SYT9: variants seen among roughly 807,000 people sequenced by gnomAD.
The protein encoded by SYT9 is synaptotagmin-9.
In SYT9, 22 loss-of-function variants were observed where a neutral mutation model predicts 48.4. The ratio of observed to expected loss-of-function variants is 0.45; its 90% CI spans 0.32 to 0.65. SYT9 has a LOEUF of 0.65. Among genes scored for constraint, SYT9 ranks in the 30% least tolerant of loss-of-function variants. The probability of loss-of-function intolerance (pLI) is 0.03; values close to 1 mark genes in which losing one functional copy is unlikely to be tolerated. For missense variants in SYT9, 577 were observed against 622.0 expected (o/e 0.93, Z 0.77); for synonymous variants, 265 against 245.0 (o/e 1.08, Z -0.76).
intron 1 of SYT9, among the ~76,000 whole-genome samples, chr11:7,285,836 G>A (rs913757567): frequency 7.2e-5 from 11 of 152,150 alleles, no homozygotes; most frequent in African/African-American, 2.7e-4. Flanking sequence ...AATCCAACAG[G>A]GCTGTCATTA....
chr11:7,335,297 G>A (rs1418299682), intron 3 of SYT9, among the ~76,000 whole-genome samples: 1 of 151,962 alleles, frequency 6.6e-6, no homozygotes, highest in African/African-American at 2.4e-5. Context: ...AAAATCTTTG[G>A]TCAATTTTTA....
chr11:7,392,730 C>A (rs1222973065), intron 3 of SYT9, among the ~76,000 whole-genome samples: 1 of 152,130 alleles, frequency 6.6e-6, no homozygotes, highest in African/African-American at 2.4e-5. Context: ...TTCCTCCAAT[C>A]CATGAGCATG....
At chr11:7,352,413 A>C (rs1021538320) in intron 3 of SYT9, among the ~76,000 whole-genome samples, 2 of 152,344 alleles carry the variant, frequency 1.3e-5, no homozygotes, top group African/African-American at 4.8e-5. Context: ...AAAGTTGTGC[A>C]GCAGATATTC....
intron 1 of SYT9, among the ~76,000 whole-genome samples, chr11:7,264,841 G>C (rs919789654): frequency 6.6e-6 from 1 of 152,106 alleles, no homozygotes; most frequent in Non-Finnish European, 1.5e-5. Context: ...GTTTTGGAGA[G>C]AGTGACAGTA....
At chr11:7,258,069 C>T (rs1848008149) in intron 1 of SYT9, among the ~76,000 whole-genome samples, 1 of 152,182 alleles carries the variant, frequency 6.6e-6, no homozygotes, top group Admixed American at 6.5e-5. Flanking sequence ...ATGTATAGAG[C>T]ATAGATGTTG....
chr11:7,258,803 C>G (rs1438362516), intron 1 of SYT9, among the ~76,000 whole-genome samples: 1 of 152,062 alleles, frequency 6.6e-6, no homozygotes, highest in African/African-American at 2.4e-5. Context: ...TTCCTTTCAG[C>G]CGTGGTCCAC....
chr11:7,281,435 C>T (rs1331274162), intron 1 of SYT9, among the ~76,000 whole-genome samples: 1 of 152,202 alleles, frequency 6.6e-6, no homozygotes, highest in Non-Finnish European at 1.5e-5. Flanking sequence ...TTTTTGATAC[C>T]TTGACACTTT....
chr11:7,253,986 A>C (rs556840462), intron 1 of SYT9, among the ~76,000 whole-genome samples: 1 of 152,214 alleles, frequency 6.6e-6, no homozygotes, highest in East Asian at 1.9e-4. Context: ...TTTACAAGAG[A>C]AGATGGATGA....
At chr11:7,349,626 C>T (rs1421884892) in intron 3 of SYT9, among the ~76,000 whole-genome samples, 2 of 152,206 alleles carry the variant, frequency 1.3e-5, no homozygotes, top group African/African-American at 4.8e-5. Flanking sequence ...ATCACCCTAC[C>T]AACGTCTGTC....
chr11:7,406,553 TA>T (rs1847017556), intron 3 of SYT9, among the ~76,000 whole-genome samples: 1 of 148,956 alleles, frequency 6.7e-6, no homozygotes, highest in Non-Finnish European at 1.5e-5. Flanking sequence ...TATATATATA[TA>T]TATATATATA....
intron 3 of SYT9, among the ~76,000 whole-genome samples, chr11:7,354,804 G>T (rs1398312458): frequency 3.9e-5 from 6 of 152,022 alleles, no homozygotes; most frequent in South Asian, 2.1e-4. Flanking sequence ...AAATATATCT[G>T]TCATCTAACT....
intron 1 of SYT9, among the ~76,000 whole-genome samples, chr11:7,258,119 C>G (rs902204210): frequency 1.3e-5 from 2 of 152,164 alleles, no homozygotes; most frequent in African/African-American, 4.8e-5. Context: ...TATGTTTGTG[C>G]TGCAAGTGCA....
At chr11:7,246,651 T>A (rs932948535) in intron 1 of SYT9, among the ~76,000 whole-genome samples, 3 of 152,220 alleles carry the variant, frequency 2.0e-5, no homozygotes, top group African/African-American at 7.2e-5. Flanking sequence ...CTATTTCAGA[T>A]GTCTACTGCT....
chr11:7,355,364 C>T (rs2134008558), intron 3 of SYT9, among the ~76,000 whole-genome samples: 1 of 152,340 alleles, frequency 6.6e-6, no homozygotes, highest in Admixed American at 6.5e-5. Flanking sequence ...CCCCAGTGTG[C>T]ACCAGATGTG....
chr11:7,464,849 G>A (rs910540325), intron 6 of SYT9, among the ~76,000 whole-genome samples: 5 of 152,060 alleles, frequency 3.3e-5, no homozygotes, highest in East Asian at 1.9e-4. Flanking sequence ...TTGGGAGGCC[G>A]AGGCGGGCGG....
At chr11:7,393,973 T>A (rs78762331) in intron 3 of SYT9, among the ~76,000 whole-genome samples, 2 of 131,916 alleles carry the variant, frequency 1.5e-5, no homozygotes, top group South Asian at 2.4e-4. Context: ...TTTTTTTTTT[T>A]AATATACTTT....
At chr11:7,291,944 A>G (rs1459655417) in intron 1 of SYT9, among the ~76,000 whole-genome samples, 2 of 152,192 alleles carry the variant, frequency 1.3e-5, no homozygotes, top group African/African-American at 2.4e-5. Flanking sequence ...ATATTGCACC[A>G]TGCCTTGTGT....
intron 1 of SYT9, among the ~76,000 whole-genome samples, chr11:7,289,750 G>A (rs1474225224): frequency 1.3e-5 from 2 of 152,074 alleles, no homozygotes. Flanking sequence ...TTTCTTTATT[G>A]ATCAATGATT....
intron 3 of SYT9, among the ~76,000 whole-genome samples, chr11:7,341,707 T>C (rs573581568): frequency 6.6e-6 from 1 of 152,284 alleles, no homozygotes; most frequent in Non-Finnish European, 1.5e-5. Context: ...GAGTCAAGTT[T>C]AAATCACATA....
Sources: allele counts gnomAD v4.1 joint callset (sites outside exome capture counted in the v4.1 genomes callset), GRCh38; gene constraint gnomAD v4.1.1; transcripts MANE v1.5; gene names NCBI Gene and HGNC (gene_info 2026-07-23, HGNC 2026-07-21).